The following FRMD6 variants were observed in gnomAD, a reference collection of about 807,000 sequenced individuals.
The protein encoded by FRMD6 is FERM domain-containing protein 6.
A neutral mutation model predicts 73.2 loss-of-function variants in FRMD6; 37 were observed. The ratio of observed to expected loss-of-function variants is 0.51; its 90% CI spans 0.39 to 0.66. FRMD6 has a LOEUF of 0.66. Among genes scored for constraint, FRMD6 ranks in the 30% least tolerant of loss-of-function variants. The pLI, the probability that FRMD6 is intolerant of heterozygous loss-of-function variation, is 0.00. For missense variants in FRMD6, 714 were observed against 780.5 expected (o/e 0.91, Z 1.02); for synonymous variants, 273 against 282.2 (o/e 0.97, Z 0.33).
At chr14:51,495,171 G>A (rs1016025992) in intron 1 of FRMD6, among the ~76,000 whole-genome samples, 2 of 152,088 alleles carry the variant, frequency 1.3e-5, no homozygotes, top group Non-Finnish European at 2.9e-5. Flanking sequence ...TTCAACTAAG[G>A]TATTTGCCAC....
At chr14:51,657,726 T>A (rs1892936859) in intron 1 of FRMD6, among the ~76,000 whole-genome samples, 1 of 152,126 alleles carries the variant, frequency 6.6e-6, no homozygotes, top group South Asian at 2.1e-4. Flanking sequence ...AAAGTAACGT[T>A]AGAGGTAAGA....
At chr14:51,551,980 C>CT (rs1487643949) in intron 1 of FRMD6, among the ~76,000 whole-genome samples, 1 of 152,040 alleles carries the variant, frequency 6.6e-6, no homozygotes, top group Admixed American at 6.6e-5. Context: ...CTGATTATCC[C>CT]TTGTGCTACT....
At chr14:51,458,831 C>G in the FRMD6 span, among the ~76,000 whole-genome samples, 1 of 152,150 alleles carries the variant, frequency 6.6e-6, no homozygotes, top group Non-Finnish European at 1.5e-5. Flanking sequence ...GCTGCTTAAG[C>G]TGTGTAGAGG....
intron 2 of FRMD6, among the ~76,000 whole-genome samples, chr14:51,635,882 C>T (rs1891533007): frequency 6.6e-6 from 1 of 152,202 alleles, no homozygotes; most frequent in Non-Finnish European, 1.5e-5. Flanking sequence ...GAAAAACACT[C>T]CTATTTTCCT....
the FRMD6 span, among the ~76,000 whole-genome samples, chr14:51,470,027 G>A: frequency 6.6e-6 from 1 of 152,038 alleles, no homozygotes; most frequent in Non-Finnish European, 1.5e-5. Context: ...CAATTAAGTT[G>A]TATTTTCCAA....
chr14:51,397,047 C>G, the FRMD6 span: 5 of 152,312 alleles, frequency 3.3e-5, no homozygotes, highest in African/African-American at 1.2e-4. Context: ...GTCCTGGAGA[C>G]CTGGGCAGGG....
chr14:51,626,795 T>C (rs1891132139), intron 2 of FRMD6, among the ~76,000 whole-genome samples: 1 of 152,168 alleles, frequency 6.6e-6, no homozygotes, highest in African/African-American at 2.4e-5. Context: ...ATCTACAAAA[T>C]AGAGATAACT....
At chr14:51,499,379 G>T (rs1451305055) in intron 1 of FRMD6, among the ~76,000 whole-genome samples, 1 of 152,226 alleles carries the variant, frequency 6.6e-6, no homozygotes, top group Non-Finnish European at 1.5e-5. Flanking sequence ...AACTTCTGTG[G>T]TTTTGATAGA....
chr14:51,577,139 G>C (rs932988563), intron 2 of FRMD6, among the ~76,000 whole-genome samples: 7 of 152,060 alleles, frequency 4.6e-5, no homozygotes, highest in Non-Finnish European at 8.8e-5. Flanking sequence ...TTCTTCTGTT[G>C]GTATTTGCAA....
chr14:51,456,524 TGC>T, the FRMD6 span, among the ~76,000 whole-genome samples: 2 of 152,230 alleles, frequency 1.3e-5, no homozygotes, highest in African/African-American at 4.8e-5. Context: ...GGTGTATATA[TGC>T]CACATTTTCT....
intron 2 of FRMD6, among the ~76,000 whole-genome samples, chr14:51,574,707 T>A (rs1888314049): frequency 6.6e-6 from 1 of 152,166 alleles, no homozygotes; most frequent in Non-Finnish European, 1.5e-5. Flanking sequence ...TGGGAATGGT[T>A]AATGGGTACA....
At chr14:51,695,868 C>T (rs1025798816) in intron 2 of FRMD6, among the ~76,000 whole-genome samples, 1 of 152,060 alleles carries the variant, frequency 6.6e-6, no homozygotes, top group African/African-American at 2.4e-5. Flanking sequence ...TTACTACAGT[C>T]GGAATTATCA....
chr14:51,685,442 G>A (rs1895086324), intron 1 of FRMD6, among the ~76,000 whole-genome samples: 2 of 152,112 alleles, frequency 1.3e-5, no homozygotes, highest in African/African-American at 4.8e-5. Flanking sequence ...TTCTATTAGA[G>A]CAGGGTATTT....
chr14:51,667,830 A>G (rs921700275), intron 1 of FRMD6, among the ~76,000 whole-genome samples: 3 of 152,232 alleles, frequency 2.0e-5, no homozygotes, highest in African/African-American at 7.2e-5. Flanking sequence ...AAAATCTTTT[A>G]AAACTCAAAT....
chr14:51,407,778 T>C, the FRMD6 span, among the ~76,000 whole-genome samples: 1 of 152,128 alleles, frequency 6.6e-6, no homozygotes, highest in Non-Finnish European at 1.5e-5. Context: ...GTCATCTCAT[T>C]ATGATTGTAT....
chr14:51,432,299 G>A, the FRMD6 span, among the ~76,000 whole-genome samples: 1 of 152,082 alleles, frequency 6.6e-6, no homozygotes, highest in African/African-American at 2.4e-5. Flanking sequence ...CTAATGTAAG[G>A]CTCCCCTGGC....
In FRMD6 at chr14:51,704,924, T is replaced by A; in HGVS notation, c.547T>A (p.Phe183Ile). 6.2e-7 allele frequency: 1 copy of A among 1,606,254 alleles called. No homozygotes were observed. Among genetic ancestry groups the A allele is most frequent in the Non-Finnish European group, 8.5e-7 (1 of 1,174,190 alleles). The change falls in exon 6 of 14, where the codon TTC (phenylalanine) becomes ATC (isoleucine). Residue 183 changes from phenylalanine (F) to isoleucine (I), a missense_variant. Physicochemically the swap from Phe to Ile is conservative, Grantham distance 21. Coordinates refer to ENST00000344768, the MANE Select transcript of FRMD6 (RefSeq NM_001267046.2). ...AAAATACTTCGAGCCAGAGGCTTAC[T>A]TCCCATCTTGGGTAAGCACTGTTTT... Reference protein sequence around the residue: ...YGKYFEPEAYFPSWVVSKRGK... With the variant: ...YGKYFEPEAYIPSWVVSKRGK...
At chr14:51,483,845 T>C in the FRMD6 span, among the ~76,000 whole-genome samples, 5 of 152,346 alleles carry the variant, frequency 3.3e-5, no homozygotes, top group African/African-American at 1.2e-4. Flanking sequence ...GTAGAGTGTA[T>C]TGTTTGTTTC....
intron 1 of FRMD6, among the ~76,000 whole-genome samples, chr14:51,497,842 A>G (rs1305454386): frequency 1.3e-5 from 2 of 152,126 alleles, no homozygotes; most frequent in Admixed American, 1.3e-4. Context: ...TTACCCAGAG[A>G]TATTTTGGGA....
Sources: allele counts gnomAD v4.1 joint callset (sites outside exome capture counted in the v4.1 genomes callset), GRCh38; gene constraint gnomAD v4.1.1; transcripts MANE v1.5; gene names NCBI Gene and HGNC (gene_info 2026-07-23, HGNC 2026-07-21).